KLF9: variants seen among roughly 807,000 people sequenced by gnomAD.
The protein encoded by KLF9 is Krueppel-like factor 9.
KLF9 carries 2 observed loss-of-function variants against 17.3 expected under a neutral mutation model. The ratio of observed to expected loss-of-function variants is 0.12; its 90% confidence interval spans 0.05 to 0.36. The LOEUF (loss-of-function observed/expected upper bound fraction) is 0.36. Among genes scored for constraint, KLF9 ranks in the 10% least tolerant of loss-of-function variants. KLF9 has a pLI of 1.00. For synonymous variants in KLF9, 138 were observed against 139.2 expected, an observed-to-expected ratio of 0.99 and a Z score of 0.06; for missense variants, 226 against 333.2, an observed-to-expected ratio of 0.68 and a Z score of 2.51.
At chr9:70,390,301 CA>C (rs2037144890) in intron 1 of KLF9, among the ~76,000 whole-genome samples, 1 of 151,982 alleles carries the variant, frequency 6.6e-6, no homozygotes, top group African/African-American at 2.4e-5. Context: ...CAGCAAAAGG[CA>C]ATAGCAAACC....
chr9:70,408,489 G>A (rs1432050967), intron 1 of KLF9, among the ~76,000 whole-genome samples: 2 of 152,146 alleles, frequency 1.3e-5, no homozygotes, highest in Admixed American at 6.5e-5. Flanking sequence ...CAGGGCTTCC[G>A]TTCCACTCAT....
chr9:70,404,835 C>T (rs910450986), intron 1 of KLF9, among the ~76,000 whole-genome samples: 1 of 152,000 alleles, frequency 6.6e-6, no homozygotes, highest in African/African-American at 2.4e-5. Flanking sequence ...AGATGAGAAA[C>T]CTGAGGCTCA....
intron 1 of KLF9, among the ~76,000 whole-genome samples, chr9:70,402,310 TA>T (rs1298343782): frequency 2.0e-5 from 3 of 152,196 alleles, no homozygotes; most frequent in Non-Finnish European, 4.4e-5. Context: ...GTGTTTTTGT[TA>T]AGTTGTTTTT....
In KLF9 at chr9:70,412,984, A is replaced by G; in HGVS notation, c.380T>C (p.Leu127Pro). Residue 127 changes from leucine (L) to proline (P), a missense_variant, in exon 1 of 2, where the codon CTC becomes CCC. By Grantham distance (98) the Leu-to-Pro change is moderately conservative (BLOSUM62 -3). Transcript: ENST00000377126. ...CCCCTTCGCAGCCACTCCAGGATGG[A>G]GGAGGGAGAGCGGGCTGGGCGCGCT... Reference protein sequence around the residue: ...PGSAPSPLSLLHPGVAAKGKH... With the variant: ...PGSAPSPLSLPHPGVAAKGKH... The G allele has an allele frequency of 6.2e-7, 1 of 1,614,082 alleles. No homozygotes were observed. The highest frequency in any genetic ancestry group is 8.5e-7 in the Non-Finnish European group (1 of 1,180,014).
rs1209984865 is a variant in KLF9, at chr9:70,385,636, C to T, written c.*2140G>A. 1.3e-5 allele frequency: 2 copies of T among 152,614 alleles called. No homozygotes were observed. Among genetic ancestry groups the T allele is most frequent in the African/African-American group, 4.8e-5 (2 of 41,450 alleles). 9.5% of individuals were successfully genotyped at this position (152,614 alleles called of 1,614,324 possible). On this transcript the variant is annotated 3_prime_UTR_variant, in exon 2 of 2. Transcript: ENST00000377126. ...TAGGCAACCCCAAACTCCTCACTCA[C>T]TAAAAGGCAGCGTGCAGAGTATCAT...
At chr9:70,393,769 GA>G (rs1423339986) in intron 1 of KLF9, among the ~76,000 whole-genome samples, 2 of 152,068 alleles carry the variant, frequency 1.3e-5, no homozygotes, top group African/African-American at 4.8e-5. Context: ...TCTTCTAGAA[GA>G]AAAATAATGC....
At chr9:70,411,594 T>A (rs1237100218) in intron 1 of KLF9, among the ~76,000 whole-genome samples, 1 of 152,008 alleles carries the variant, frequency 6.6e-6, no homozygotes, top group East Asian at 1.9e-4. Flanking sequence ...CCAAAGGAAA[T>A]GGAATGAGAA....
At chr9:70,399,005 T>C (rs1365629173) in intron 1 of KLF9, among the ~76,000 whole-genome samples, 1 of 152,048 alleles carries the variant, frequency 6.6e-6, no homozygotes, top group Non-Finnish European at 1.5e-5. Context: ...ACTAATTTTG[T>C]TTATTTTTTG....
chr9:70,390,751 A>G (rs1011016948), intron 1 of KLF9, among the ~76,000 whole-genome samples: 1 of 152,138 alleles, frequency 6.6e-6, no homozygotes, highest in Admixed American at 6.6e-5. Flanking sequence ...GCTATTGCAG[A>G]ATTAGACTGC....
intron 1 of KLF9, among the ~76,000 whole-genome samples, chr9:70,410,764 A>G (rs1477150412): frequency 6.6e-6 from 1 of 152,246 alleles, no homozygotes; most frequent in African/African-American, 2.4e-5. Flanking sequence ...GTCAATTTAA[A>G]TTGAAGTTGT....
intron 1 of KLF9, among the ~76,000 whole-genome samples, chr9:70,407,867 T>C (rs2037267509): frequency 6.6e-6 from 1 of 152,186 alleles, no homozygotes; most frequent in Non-Finnish European, 1.5e-5. Flanking sequence ...CTAGAAGCCA[T>C]GTGTATGCAG....
intron 1 of KLF9, among the ~76,000 whole-genome samples, chr9:70,409,130 GTATACA>G (rs2037287834): frequency 5.7e-5 from 3 of 52,960 alleles, no homozygotes; most frequent in Non-Finnish European, 1.6e-4. Flanking sequence ...ATGTATATAT[GTATACA>G]TATATATGTA....
At chr9:70,394,667 T>C (rs1308922933) in intron 1 of KLF9, among the ~76,000 whole-genome samples, 8 of 134,294 alleles carry the variant, frequency 6.0e-5, no homozygotes, top group Non-Finnish European at 9.9e-5. Context: ...ACTTTCTCTT[T>C]GAAAAAATTC....
intron 1 of KLF9, among the ~76,000 whole-genome samples, chr9:70,389,398 G>T (rs186656304): frequency 1.3e-5 from 2 of 152,242 alleles, no homozygotes. Context: ...AGACTTGGAG[G>T]GTTAAACTCT....
chr9:70,392,853 G>A (rs375431593), intron 1 of KLF9, among the ~76,000 whole-genome samples: 1 of 152,266 alleles, frequency 6.6e-6, no homozygotes, highest in South Asian at 2.1e-4. Flanking sequence ...CCTGTCTTTA[G>A]TATTAATGAG....
Position 70,398,219 on chromosome 9 carries a change from A to G in KLF9, c.506-10214T>C, listed in dbSNP as rs148524937. ...CCGTTTATATTGTATTTGTTGATACAACAGAGACAGTGTAGGGCTTAGGTG... is the reference window on the plus strand; with the variant it reads ...CCGTTTATATTGTATTTGTTGATACGACAGAGACAGTGTAGGGCTTAGGTG... On this transcript the variant is annotated intron_variant, in intron 1 of 1. Transcript: ENST00000377126. Among the ~76,000 whole-genome samples the G allele has an allele frequency of 4.1e-3, 619 of 152,298 alleles. 5 individuals carry two copies. Among genetic ancestry groups the G allele is most frequent in the African/African-American group, 0.014 (591 of 41,568 alleles).
chr9:70,394,715 T>G (rs113329028), intron 1 of KLF9, among the ~76,000 whole-genome samples: 2,070 of 152,348 alleles, frequency 0.014, 51 homozygotes, highest in African/African-American at 0.046. Flanking sequence ...TAAAGGTGCA[T>G]TCACAGATGT....
At chr9:70,401,168 C>CAAA (rs199648240) in intron 1 of KLF9, among the ~76,000 whole-genome samples, 4 of 116,026 alleles carry the variant, frequency 3.4e-5, no homozygotes, top group Non-Finnish European at 5.2e-5. Context: ...ATCCCATCTC[C>CAAA]AAAAAAAAAA....
rs1367279771 is a variant in KLF9 at position 70,387,541 on chromosome 9, G to C, written c.*235C>G. 1.9e-6 allele frequency: 1 copy of C among 522,058 alleles called. No homozygotes were observed. Among genetic ancestry groups the C allele is most frequent in the Non-Finnish European group, 3.5e-6 (1 of 289,262 alleles). The allele number at this position is 522,058 out of a possible 1,614,324, so 32.3% of individuals were successfully genotyped here. A position where few individuals can be genotyped will look rare whatever the true frequency, so the allele number is the denominator to read the frequency against. On this transcript the variant is annotated 3_prime_UTR_variant, in exon 2 of 2. Coordinates refer to ENST00000377126, the MANE Select transcript of KLF9 (RefSeq NM_001206.4). The stretch of plus-strand genomic sequence containing the variant: ...GCCTTCCCTCCAACAGTCAGAGACG[G>C]GTTCAGAGAGTTGCCTCTTCAAGGG...
Sources: allele counts gnomAD v4.1 joint callset (sites outside exome capture counted in the v4.1 genomes callset), GRCh38; gene constraint gnomAD v4.1.1; transcripts MANE v1.5; gene names NCBI Gene and HGNC (gene_info 2026-07-23, HGNC 2026-07-21).